The following ADAMTSL1 variants were observed in gnomAD, a reference collection of about 807,000 sequenced individuals.
ADAMTSL1 encodes ADAMTS like 1, also known as ADAMTS-like protein 1.
ADAMTSL1 carries 126 observed loss-of-function variants against 201.8 expected under a neutral mutation model. That is an observed-to-expected ratio of 0.62 (90% CI 0.54 to 0.72). The LOEUF (loss-of-function observed/expected upper bound fraction) is 0.72. Among genes scored for constraint, ADAMTSL1 ranks in the 30% least tolerant of loss-of-function variants. ADAMTSL1 has a pLI of 0.00. For synonymous variants in ADAMTSL1, 1,121 were observed against 903.4 expected, an observed-to-expected ratio of 1.24 and a Z score of -4.32; for missense variants, 2,679 against 2,277.8, an observed-to-expected ratio of 1.18 and a Z score of -3.59.
At chr9:17,978,918 AT>A (rs1818569199) in intron 1 of ADAMTSL1, among the ~76,000 whole-genome samples, 1 of 150,238 alleles carries the variant, frequency 6.7e-6, no homozygotes, top group Admixed American at 6.6e-5. Context: ...ATTCTCCTTC[AT>A]TTGAAATACA....
At chr9:18,781,093 G>T (rs1473805661) in intron 19 of ADAMTSL1, among the ~76,000 whole-genome samples, 2 of 152,098 alleles carry the variant, frequency 1.3e-5, no homozygotes, top group East Asian at 1.9e-4. Flanking sequence ...TGGGCATTGA[G>T]AGTCTAACTC....
chr9:18,396,268 G>A (rs1312549538), intron 2 of ADAMTSL1, among the ~76,000 whole-genome samples: 1 of 152,098 alleles, frequency 6.6e-6, no homozygotes, highest in Admixed American at 6.6e-5. Flanking sequence ...GTAGTCAGAA[G>A]GTTGACTGAA....
chr9:17,995,485 C>A (rs1298037879), intron 1 of ADAMTSL1, among the ~76,000 whole-genome samples: 1 of 151,856 alleles, frequency 6.6e-6, no homozygotes, highest in Admixed American at 6.6e-5. Flanking sequence ...GAGGAAATTG[C>A]ATTTTTTGGC....
intron 4 of ADAMTSL1, among the ~76,000 whole-genome samples, chr9:18,620,584 T>A (rs1484304208): frequency 1.3e-5 from 2 of 152,238 alleles, no homozygotes; most frequent in Non-Finnish European, 2.9e-5. Context: ...ATAATTTTAC[T>A]GCAGTTATGT....
chr9:18,646,921 A>T (rs1358230162), intron 7 of ADAMTSL1, among the ~76,000 whole-genome samples: 5 of 151,862 alleles, frequency 3.3e-5, no homozygotes, highest in Non-Finnish European at 5.9e-5. Context: ...GTTAGGGAGG[A>T]TTCCCTCTTT....
chr9:18,236,248 T>G (rs1429424551), intron 2 of ADAMTSL1, among the ~76,000 whole-genome samples: 4 of 152,082 alleles, frequency 2.6e-5, no homozygotes, highest in Non-Finnish European at 5.9e-5. Context: ...TTTTTTGTAT[T>G]TTTACTAGAG....
At chr9:18,672,044 T>A (rs1374667679) in intron 9 of ADAMTSL1, among the ~76,000 whole-genome samples, 7 of 151,822 alleles carry the variant, frequency 4.6e-5, no homozygotes, top group Admixed American at 2.0e-4. Context: ...CTCAAAAAAA[T>A]TAAATTTAAT....
At chr9:18,555,461 T>G (rs1164208607) in intron 3 of ADAMTSL1, among the ~76,000 whole-genome samples, 1 of 151,998 alleles carries the variant, frequency 6.6e-6, no homozygotes, top group African/African-American at 2.4e-5. Flanking sequence ...TTTCTAGTCC[T>G]ACATCCTGTT....
intron 3 of ADAMTSL1, among the ~76,000 whole-genome samples, chr9:18,565,137 T>A (rs925080044): frequency 6.6e-6 from 1 of 152,212 alleles, no homozygotes; most frequent in Non-Finnish European, 1.5e-5. Flanking sequence ...GAAGGTGGGA[T>A]TGATGATTCA....
chr9:18,366,354 C>G (rs1229615005), intron 2 of ADAMTSL1, among the ~76,000 whole-genome samples: 2 of 151,882 alleles, frequency 1.3e-5, no homozygotes, highest in African/African-American at 2.4e-5. Flanking sequence ...TCGGTGCTAC[C>G]TCGTGTGCCT....
chr9:18,817,862 C>A (rs1823960719), intron 21 of ADAMTSL1, among the ~76,000 whole-genome samples: 1 of 152,048 alleles, frequency 6.6e-6, no homozygotes. Context: ...CCAACAGCAG[C>A]GTGGAGCTTG....
At chr9:18,816,940 G>A (rs1246045674) in intron 20 of ADAMTSL1, among the ~76,000 whole-genome samples, 169 bp from the exon 21 acceptor site, 2 of 151,994 alleles carry the variant, frequency 1.3e-5, no homozygotes, top group Admixed American at 1.3e-4. Flanking sequence ...TAGGTAGGTA[G>A]GTAGATGCTT....
At chr9:18,498,420 T>G (rs1217393753) in intron 1 of ADAMTSL1, among the ~76,000 whole-genome samples, 1 of 148,296 alleles carries the variant, frequency 6.7e-6, no homozygotes, top group Non-Finnish European at 1.5e-5. Flanking sequence ...CACTGCAACC[T>G]TCACCTCCTG....
intron 23 of ADAMTSL1, among the ~76,000 whole-genome samples, chr9:18,871,221 A>G (rs1463869107): frequency 6.6e-6 from 1 of 152,198 alleles, no homozygotes; most frequent in African/African-American, 2.4e-5. Context: ...TATTAGAAAA[A>G]TATGTTTGGT....
chr9:18,355,008 A>G (rs2133046349), intron 2 of ADAMTSL1, among the ~76,000 whole-genome samples: 1 of 152,224 alleles, frequency 6.6e-6, no homozygotes, highest in South Asian at 2.1e-4. Context: ...AAACAGACTA[A>G]GAAAATTGAC....
chr9:18,398,131 C>G (rs1309574891), intron 2 of ADAMTSL1, among the ~76,000 whole-genome samples: 1 of 152,144 alleles, frequency 6.6e-6, no homozygotes, highest in Admixed American at 6.6e-5. Context: ...CCACAATAGA[C>G]TATCATCTTA....
chr9:18,450,182 A>C (rs556737426), intron 2 of ADAMTSL1, among the ~76,000 whole-genome samples: 1 of 152,328 alleles, frequency 6.6e-6, no homozygotes, highest in East Asian at 1.9e-4. Flanking sequence ...ACGAATGTAC[A>C]TTCTGTGATA....
chr9:17,983,008 A>G (rs1318944438), intron 1 of ADAMTSL1, among the ~76,000 whole-genome samples: 2 of 145,292 alleles, frequency 1.4e-5, no homozygotes, highest in East Asian at 2.0e-4. Context: ...AGGCATTAGT[A>G]CTTCCTCCCT....
At chr9:18,570,963 G>A (rs1822258614) in intron 3 of ADAMTSL1, among the ~76,000 whole-genome samples, 1 of 152,184 alleles carries the variant, frequency 6.6e-6, no homozygotes, top group African/African-American at 2.4e-5. Context: ...CTGTCTGCAT[G>A]TTGAGTCTCT....
Sources: gnomAD v4.1 joint callset for allele counts (sites outside exome capture counted in the v4.1 genomes callset) on GRCh38, gnomAD v4.1.1 for gene constraint, MANE v1.5 for transcripts, NCBI Gene and HGNC (gene_info 2026-07-23, HGNC 2026-07-21) for gene names.